TNS1: variants seen among roughly 807,000 people sequenced by gnomAD.
The protein encoded by TNS1 is tensin 1, also known as tensin-1.
In TNS1, 62 loss-of-function variants were observed where a neutral mutation model predicts 168.6. That is an observed-to-expected ratio of 0.37 (90% confidence interval 0.30 to 0.45). The LOEUF is 0.45. TNS1 is among the 20% of genes least tolerant of loss of function. The probability of loss-of-function intolerance (pLI) is 1.00; values close to 1 mark genes in which losing one functional copy is unlikely to be tolerated. For missense variants in TNS1, 2,240 were observed against 2,339.4 expected (o/e 0.96, Z 0.88); for synonymous variants, 934 against 933.2 (o/e 1.00, Z -0.02).
chr2:217,962,314 A>C (rs1957519241), intron 3 of TNS1, among the ~76,000 whole-genome samples: 1 of 152,158 alleles, frequency 6.6e-6, no homozygotes, highest in South Asian at 2.1e-4. Context: ...GTGGTGGCGC[A>C]TGCCTGTAAT....
intron 1 of TNS1, among the ~76,000 whole-genome samples, chr2:218,029,389 A>G (rs1471429550): frequency 1.3e-5 from 2 of 152,246 alleles, no homozygotes; most frequent in Non-Finnish European, 2.9e-5. Flanking sequence ...CAGAGACATC[A>G]TCAAAATGGA....
intron 3 of TNS1, among the ~76,000 whole-genome samples, chr2:217,960,373 A>C (rs916770808): frequency 6.6e-6 from 1 of 152,164 alleles, no homozygotes; most frequent in African/African-American, 2.4e-5. Context: ...ACACAGAGGC[A>C]GCTGGATGCC....
chr2:217,996,334 C>T (rs371372470), intron 1 of TNS1, among the ~76,000 whole-genome samples: 1 of 152,204 alleles, frequency 6.6e-6, no homozygotes, highest in Non-Finnish European at 1.5e-5. Context: ...CCATCCACTG[C>T]CCCATGCCCC....
chr2:217,810,557 G>T (rs553148422), intron 28 of TNS1, among the ~76,000 whole-genome samples: 1 of 152,288 alleles, frequency 6.6e-6, no homozygotes, highest in South Asian at 2.1e-4. Context: ...CCTCACCCCA[G>T]CACTTACTAA....
chr2:217,963,154 G>A (rs1350181248), intron 3 of TNS1, among the ~76,000 whole-genome samples: 3 of 152,152 alleles, frequency 2.0e-5, no homozygotes, highest in African/African-American at 7.2e-5. Context: ...TCCTTGGAAG[G>A]GGAGAGGAGT....
intron 3 of TNS1, among the ~76,000 whole-genome samples, chr2:217,971,141 G>A (rs1957765266): frequency 1.3e-5 from 2 of 152,078 alleles, no homozygotes; most frequent in African/African-American, 4.8e-5. Flanking sequence ...AGAGTTCAAC[G>A]GGTTTTGACA....
In TNS1 at chr2:217,847,514, T is replaced by A; in HGVS notation, c.3003A>T (p.Val1001=). Residue 1001 remains valine (V), a synonymous_variant, in exon 19 of 33, where the codon GTA becomes GTT. Coordinates refer to ENST00000682258, the MANE Select transcript of TNS1 (RefSeq NM_001387777.1). ...TCAGGACTGAATACCTCTTACCTGC[T>A]ACCCTGTGGGCCACCAGCCCTTCTA... ...LNLEGLVAHR[V]AGVQAREKQP... 6.8e-7 allele frequency: 1 copy of A among 1,465,424 alleles called. No individual in the cohort carries two copies. The highest frequency in any genetic ancestry group is 1.4e-5 in the African/African-American group (1 of 71,326). The allele number at this position is 1,465,424 out of a possible 1,614,324, so 90.8% of individuals were successfully genotyped here.
intron 1 of TNS1, among the ~76,000 whole-genome samples, chr2:218,002,383 C>T (rs1205746983): frequency 1.3e-5 from 2 of 152,346 alleles, no homozygotes; most frequent in Middle Eastern, 3.4e-3. Context: ...CAGCCCAGCT[C>T]TTCCAGACTT....
rs1461036987 is a variant in TNS1, at chr2:217,801,572, A to G, written c.*2887T>C. 1 of 152,262 alleles carries G rather than the reference A, an allele frequency of 6.6e-6. No individual in the cohort carries two copies. Among genetic ancestry groups the G allele is most frequent in the African/African-American group, 2.4e-5 (1 of 41,472 alleles). The allele number at this position is 152,262 out of a possible 1,614,324, so 9.4% of individuals were successfully genotyped here. On this transcript the variant is annotated 3_prime_UTR_variant, in exon 33 of 33. Coordinates refer to ENST00000682258, the MANE Select transcript of TNS1 (RefSeq NM_001387777.1). ...TGACACACAGATTCAACAATAAACA[A>G]CAGTAAAATAGATTCAGGGAGGGAG...
At chr2:218,014,921 A>AAGGAAGGAAGGCAGGC (rs1260656732), upstream of TNS1, among the ~76,000 whole-genome samples, 4 of 76,244 alleles carry the variant, frequency 5.2e-5, no homozygotes, top group African/African-American at 1.4e-4. Context: ...GGAAGGAAGG[A>AAGGAAGGAAGGCAGGC]AGGCAGGCAG....
chr2:217,911,988 G>A (rs1409847499), intron 4 of TNS1, among the ~76,000 whole-genome samples: 1 of 152,242 alleles, frequency 6.6e-6, no homozygotes, highest in African/African-American at 2.4e-5. Context: ...CTGAATTCGA[G>A]GGGTCGGGAA....
At chr2:217,809,492 C>CATGG (rs1940288514) in intron 30 of TNS1, among the ~76,000 whole-genome samples, 1 of 4,420 alleles carries the variant, frequency 2.3e-4, no homozygotes, top group Non-Finnish European at 4.0e-4. Context: ...TGGATGGATG[C>CATGG]ATGGATGGAT....
chr2:217,894,736 AC>A (rs1332255933), intron 9 of TNS1, among the ~76,000 whole-genome samples: 1 of 152,112 alleles, frequency 6.6e-6, no homozygotes, highest in African/African-American at 2.4e-5. Flanking sequence ...AAATCCAAAA[AC>A]TAAACATCTC....
intron 23 of TNS1, among the ~76,000 whole-genome samples, chr2:217,820,368 G>A (rs1017018244): frequency 3.3e-5 from 5 of 152,180 alleles, no homozygotes; most frequent in African/African-American, 1.2e-4. Flanking sequence ...GCCAGAGTCA[G>A]GCCTCCTGAG....
chr2:218,010,394 G>A, exon 1 of TNS1: 1 of 389,798 alleles, frequency 2.6e-6, no homozygotes, highest in Admixed American at 4.5e-5. Flanking sequence ...CGGCGCGGGA[G>A]GCCCGCGGCG....
chr2:217,917,550 C>A (rs990508896), intron 4 of TNS1, among the ~76,000 whole-genome samples: 13 of 152,168 alleles, frequency 8.5e-5, no homozygotes, highest in African/African-American at 2.9e-4. Flanking sequence ...TGAGGTTCGG[C>A]CGGGCGCGCA....
intron 4 of TNS1, among the ~76,000 whole-genome samples, chr2:217,910,525 G>T (rs1018441176): frequency 6.6e-5 from 10 of 152,044 alleles, no homozygotes; most frequent in African/African-American, 2.4e-4. Context: ...GGTAACAGGA[G>T]GGCAGGATCC....
chr2:217,931,382 C>T (rs1956311214), intron 3 of TNS1, among the ~76,000 whole-genome samples: 2 of 152,210 alleles, frequency 1.3e-5, no homozygotes, highest in African/African-American at 4.8e-5. Context: ...GGAAAAAAAT[C>T]TAAGAGCAGT....
chr2:218,018,943 G>A (rs1232025242), intron 1 of TNS1, among the ~76,000 whole-genome samples: 4 of 152,068 alleles, frequency 2.6e-5, no homozygotes, highest in Non-Finnish European at 2.9e-5. Flanking sequence ...CAGGTGTGGT[G>A]GCATGTGCCT....
Sources: allele counts gnomAD v4.1 joint callset (sites outside exome capture counted in the v4.1 genomes callset), GRCh38; gene constraint gnomAD v4.1.1; transcripts MANE v1.5; gene names NCBI Gene and HGNC (gene_info 2026-07-23, HGNC 2026-07-21).